The following DPY19L2 variants were observed in gnomAD, a reference collection of about 807,000 sequenced individuals.
The protein encoded by DPY19L2 is probable C-mannosyltransferase DPY19L2.
A neutral mutation model predicts 97.9 loss-of-function variants in DPY19L2; 34 were observed. The observed-to-expected ratio is 0.35, with a 90% CI of 0.26 to 0.46. The LOEUF (loss-of-function observed/expected upper bound fraction) is 0.46, where lower values mean the gene tolerates loss of function less well. Ranked by LOEUF, DPY19L2 falls within the 20% of genes least tolerant of loss-of-function variation. The pLI is 1.00. For synonymous variants in DPY19L2, 230 were observed against 307.9 expected (o/e 0.75, Z 2.65); for missense variants, 623 against 911.4 (o/e 0.68, Z 4.07).
At chr12:63,600,704 G>T (rs1356919100) in intron 12 of DPY19L2, among the ~76,000 whole-genome samples, 1 of 148,108 alleles carries the variant, frequency 6.8e-6, no homozygotes, top group Non-Finnish European at 1.5e-5. Flanking sequence ...TACAGAGACA[G>T]AGGAAGGGGG....
intron 3 of DPY19L2, among the ~76,000 whole-genome samples, chr12:63,662,362 C>T: frequency 6.6e-6 from 1 of 151,916 alleles, no homozygotes; most frequent in East Asian, 1.9e-4. Context: ...GTCTGAAAGG[C>T]CATTACCTCA....
At chr12:63,583,879 T>A in intron 16 of DPY19L2, 43 bp from the exon 17 acceptor site, 2 of 1,543,210 alleles carry the variant, frequency 1.3e-6, no homozygotes, top group South Asian at 2.3e-5. Flanking sequence ...GAAGGTCTTT[T>A]ATACTATGAA....
Position 63,594,466 on chromosome 12 carries a change from T to A in DPY19L2, c.1534-333A>T, listed in dbSNP as rs2971503. On this transcript the variant is annotated intron_variant, in intron 15 of 21. Transcript: ENST00000324472. ...GCAGGGATGAGAGAGAGAGAGATAGTGTGTGTGTGTGTGTGTGTGTGTGTG... is the reference window on the plus strand; with the variant it reads ...GCAGGGATGAGAGAGAGAGAGATAGAGTGTGTGTGTGTGTGTGTGTGTGTG... 7.6e-3 allele frequency among the ~76,000 whole-genome samples: 768 copies of A among 101,500 alleles called. 19 individuals are homozygous for A. Among genetic ancestry groups the A allele is most frequent in the Non-Finnish European group, 0.011 (493 of 45,626 alleles). 66.6% of individuals were successfully genotyped at this position (101,500 alleles called of 152,430 possible).
At chr12:63,612,492 T>C (rs1254647042) in intron 11 of DPY19L2, among the ~76,000 whole-genome samples, 2 of 151,292 alleles carry the variant, frequency 1.3e-5, no homozygotes, top group South Asian at 2.1e-4. Flanking sequence ...TATCAAAATA[T>C]GTGGGATGTT....
intron 18 of DPY19L2, among the ~76,000 whole-genome samples, chr12:63,581,914 C>T (rs1314295996): frequency 4.0e-5 from 6 of 151,618 alleles, no homozygotes; most frequent in Non-Finnish European, 8.8e-5. Flanking sequence ...AATTCTCCTG[C>T]CTCAGCCTCC....
At position 63,595,972 on chromosome 12, in the gene DPY19L2, A is replaced by G; in HGVS notation, c.1527T>C (p.Phe509=). ...PVVMVITCFI[F]KKTVRDISYV... Reference sequence around the variant, plus strand: ...ATAATTTGTTTAAAAATACCTTTTTAAAGATAAAACATGTAATCACCATAA... The same window carrying G: ...ATAATTTGTTTAAAAATACCTTTTTGAAGATAAAACATGTAATCACCATAA... Residue 509 remains phenylalanine (F), a synonymous_variant, in exon 15 of 22, where the codon TTT becomes TTC. Coordinates refer to ENST00000324472, the MANE Select transcript of DPY19L2 (RefSeq NM_173812.5). 2 of 1,585,064 alleles carry G rather than the reference A, an allele frequency of 1.3e-6. No individual in the cohort carries two copies. Among genetic ancestry groups the G allele is most frequent in the Non-Finnish European group, 1.7e-6 (2 of 1,164,588 alleles).
chr12:63,590,810 C>T (rs1882767455), intron 16 of DPY19L2, among the ~76,000 whole-genome samples: 1 of 152,020 alleles, frequency 6.6e-6, no homozygotes, highest in Non-Finnish European at 1.5e-5. Context: ...CTACTAGCCC[C>T]TGCTATTATT....
chr12:63,599,988 T>C (rs2137559179), intron 13 of DPY19L2, among the ~76,000 whole-genome samples: 1 of 152,316 alleles, frequency 6.6e-6, no homozygotes, highest in South Asian at 2.1e-4. Context: ...ACATCTGCAA[T>C]AAATGGATAA....
chr12:63,576,604 T>G (rs1879880858), intron 19 of DPY19L2, among the ~76,000 whole-genome samples: 2 of 151,510 alleles, frequency 1.3e-5, no homozygotes, highest in African/African-American at 4.8e-5. Flanking sequence ...TGTTGTAGGA[T>G]ACAAAATCAT....
chr12:63,611,097 C>G (rs1420655895), intron 11 of DPY19L2, among the ~76,000 whole-genome samples: 1 of 151,726 alleles, frequency 6.6e-6, no homozygotes, highest in African/African-American at 2.4e-5. Flanking sequence ...AGTAACAAGT[C>G]TTGGCAAAAA....
At position 63,617,286 on chromosome 12, in the gene DPY19L2, T is replaced by C; in HGVS notation, c.1218+18A>G. On this transcript the variant is annotated intron_variant, in intron 11 of 21. Coordinates refer to ENST00000324472, the MANE Select transcript of DPY19L2 (RefSeq NM_173812.5). ...TTGGCAGGTTAAAAAAAACCAACTT[T>C]ATGAACTAAACACTTACCCACGTCA... 6.4e-7 allele frequency: 1 copy of C among 1,565,562 alleles called. No homozygotes were observed. The highest frequency in any genetic ancestry group is 1.2e-5 in the South Asian group (1 of 85,974).
chr12:63,668,590 T>G (rs1198973635), upstream of DPY19L2: 1 of 603,130 alleles, frequency 1.7e-6, no homozygotes, highest in Non-Finnish European at 2.9e-6. Context: ...GGGCAGTCCC[T>G]GAGTGTCCCC....
chr12:63,602,067 A>T (rs1592524617), intron 12 of DPY19L2, among the ~76,000 whole-genome samples: 2 of 152,262 alleles, frequency 1.3e-5, no homozygotes, highest in South Asian at 4.1e-4. Context: ...ACACCACTGA[A>T]TGATAAAATC....
At chr12:63,594,500 T>C (rs1883799690) in intron 15 of DPY19L2, among the ~76,000 whole-genome samples, 2 of 142,000 alleles carry the variant, frequency 1.4e-5, no homozygotes, top group African/African-American at 5.3e-5. Context: ...TGTATGAAAC[T>C]TGGCCGGCTA....
intron 19 of DPY19L2, among the ~76,000 whole-genome samples, chr12:63,576,630 G>A (rs758981880): frequency 4.0e-5 from 6 of 151,528 alleles, no homozygotes; most frequent in African/African-American, 7.3e-5. Context: ...AATCATTAAC[G>A]TTTCTATATG....
intron 4 of DPY19L2, 140 bp from the exon 5 acceptor site, chr12:63,647,505 G>C (rs1263416754): frequency 1.7e-5 from 6 of 358,828 alleles, no homozygotes; most frequent in Non-Finnish European, 2.8e-5. Flanking sequence ...CATGGATGAA[G>C]CTGGAAACCA....
intron 1 of DPY19L2, among the ~76,000 whole-genome samples, chr12:63,666,258 A>G (rs545645612): frequency 6.6e-6 from 1 of 152,232 alleles, no homozygotes; most frequent in Admixed American, 6.5e-5. Flanking sequence ...GAACCACTCT[A>G]GATCAGTTTC....
At chr12:63,590,882 T>A in intron 16 of DPY19L2, 1 of 303,862 alleles carries the variant, frequency 3.3e-6, no homozygotes, top group South Asian at 2.8e-5. Context: ...CTTTCAAATA[T>A]GTAATCAATA....
chr12:63,662,662 T>C (rs1895828464), intron 3 of DPY19L2, among the ~76,000 whole-genome samples: 1 of 152,180 alleles, frequency 6.6e-6, no homozygotes, highest in Non-Finnish European at 1.5e-5. Context: ...CTAGCCATCA[T>C]TCAATAAAGC....
Sources: gnomAD v4.1 joint callset for allele counts (sites outside exome capture counted in the v4.1 genomes callset) on GRCh38, gnomAD v4.1.1 for gene constraint, MANE v1.5 for transcripts, NCBI Gene and HGNC (gene_info 2026-07-23, HGNC 2026-07-21) for gene names.